The following RRM2 variants were observed in gnomAD, a reference collection of about 807,000 sequenced individuals.
RRM2 encodes ribonucleotide reductase regulatory subunit M2, also known as ribonucleoside-diphosphate reductase subunit M2.
In RRM2, 6 loss-of-function variants were observed where a neutral mutation model predicts 45.9. The observed-to-expected ratio is 0.13, with a 90% CI of 0.07 to 0.26. The LOEUF is 0.26. Among genes scored for constraint, RRM2 ranks in the 10% least tolerant of loss-of-function variants. The probability of loss-of-function intolerance (pLI) is 1.00; values close to 1 mark genes in which losing one functional copy is unlikely to be tolerated. For synonymous variants in RRM2, 177 were observed against 173.0 expected (o/e 1.02, Z -0.18); for missense variants, 343 against 489.5 (o/e 0.70, Z 2.82).
At chr2:10,132,647 G>A (rs1473416716), downstream of RRM2, among the ~76,000 whole-genome samples, 8 of 152,224 alleles carry the variant, frequency 5.3e-5, no homozygotes, top group Non-Finnish European at 8.8e-5. Context: ...GTATTTTGGG[G>A]TGGATGGTAT....
rs1044040102 is a variant in RRM2 at position 10,172,626 on chromosome 2, A to G, written n.482+30251A>G. On this transcript the variant is annotated intron_variant and non_coding_transcript_variant, in intron 3 of 3. Transcript: ENST00000381786. The surrounding 1 kb of genome is among the most constrained non-coding windows in gnomAD (Gnocchi z 4.9). ...AGCCCTCCGCATGGCATTAGAGAAC[A>G]TTCGCCTCCTGCTGGGTCGGCCCCT... 6.6e-6 allele frequency among the ~76,000 whole-genome samples: 1 copy of G among 152,112 alleles called. No individual in the cohort carries two copies. The highest frequency in any genetic ancestry group is 1.5e-5 in the Non-Finnish European group (1 of 68,026).
At chr2:10,177,175 G>C (rs1395652847) in intron 3 of RRM2, among the ~76,000 whole-genome samples, 2 of 152,154 alleles carry the variant, frequency 1.3e-5, no homozygotes, top group African/African-American at 4.8e-5. Flanking sequence ...GAACCCGGGA[G>C]TTGAAGGTTG....
In RRM2 at chr2:10,210,426, AG is replaced by A. The variant is rs747379218; in HGVS notation, n.601del. The A allele has an allele frequency of 1.3e-5, 18 of 1,367,802 alleles. No homozygotes were observed. The African/African-American group carries it at 2.7e-4, about 20-fold the overall frequency. 84.7% of individuals were successfully genotyped at this position (1,367,802 alleles called of 1,614,324 possible). ...AAGACACCCAGAGTCCCTTCCAGAC[AG>A]GGACACCCCTGGAGCGACCCTGTTT... On this transcript the variant is annotated non_coding_transcript_exon_variant, in exon 4 of 4. Transcript: ENST00000381786.
At chr2:10,197,274 C>G (rs930679787) in intron 3 of RRM2, among the ~76,000 whole-genome samples, 6 of 152,236 alleles carry the variant, frequency 3.9e-5, no homozygotes, top group African/African-American at 1.4e-4. Context: ...ACGCGAGCGC[C>G]TAGGCTGGGA....
At chr2:10,190,587 ATGG>A (rs1251873238) in intron 3 of RRM2, among the ~76,000 whole-genome samples, 2 of 148,240 alleles carry the variant, frequency 1.3e-5, no homozygotes, top group African/African-American at 2.5e-5. Context: ...GATCATGGTG[ATGG>A]TGGTGATGTT....
chr2:10,155,969 G>A (rs1299317325), intron 3 of RRM2: 2 of 152,332 alleles, frequency 1.3e-5, no homozygotes, highest in African/African-American at 4.8e-5. Context: ...AGAGCGGGAT[G>A]TCTGACTCCA....
At chr2:10,162,858 T>A (rs970554862) in intron 3 of RRM2, among the ~76,000 whole-genome samples, 1 of 152,244 alleles carries the variant, frequency 6.6e-6, no homozygotes, top group Admixed American at 6.5e-5. Flanking sequence ...ACAGGGGTTC[T>A]TTAGGTAGAG....
intron 3 of RRM2, among the ~76,000 whole-genome samples, chr2:10,200,708 C>CTG (rs1197627659): frequency 2.2e-5 from 3 of 139,186 alleles, no homozygotes; most frequent in Non-Finnish European, 3.3e-5. Context: ...CCCACGGGGA[C>CTG]CGCGCACACA....
At chr2:10,133,899 C>T (rs1211145539), downstream of RRM2, among the ~76,000 whole-genome samples, 2 of 151,936 alleles carry the variant, frequency 1.3e-5, no homozygotes, top group African/African-American at 2.4e-5. Context: ...AATAGGTGGG[C>T]CGGGCATGGT....
At chr2:10,137,621 T>C (rs1467800321), upstream of RRM2, among the ~76,000 whole-genome samples, 2 of 152,210 alleles carry the variant, frequency 1.3e-5, no homozygotes, top group African/African-American at 4.8e-5. Context: ...GGCCACAAAG[T>C]CTAGGGACAG....
At chr2:10,143,679 T>A (rs1398831661) in intron 3 of RRM2, among the ~76,000 whole-genome samples, 2 of 152,158 alleles carry the variant, frequency 1.3e-5, no homozygotes, top group African/African-American at 4.8e-5. Flanking sequence ...GCACAATTTT[T>A]TTTTTTCTTT....
chr2:10,166,085 G>A (rs1663672145), intron 3 of RRM2, among the ~76,000 whole-genome samples: 1 of 152,230 alleles, frequency 6.6e-6, no homozygotes, highest in Admixed American at 6.5e-5. Flanking sequence ...CTTCTGCCCC[G>A]AGGTTTGGCT....
intron 3 of RRM2, among the ~76,000 whole-genome samples, chr2:10,179,793 G>A (rs973232676): frequency 2.6e-5 from 4 of 152,038 alleles, no homozygotes; most frequent in Admixed American, 2.0e-4. Flanking sequence ...CATAAGCCAG[G>A]GATTGTCAGT....
upstream of RRM2, among the ~76,000 whole-genome samples, chr2:10,140,807 T>C (rs1261967233): frequency 1.3e-5 from 2 of 152,154 alleles, no homozygotes; most frequent in African/African-American, 4.8e-5. Flanking sequence ...TTCTTTCTAT[T>C]CTATTTTTCT....
intron 3 of RRM2, among the ~76,000 whole-genome samples, chr2:10,146,446 C>T (rs1270246225): frequency 2.0e-5 from 3 of 152,218 alleles, no homozygotes; most frequent in African/African-American, 4.8e-5. Context: ...CTCTGCTCTG[C>T]GGAATAGGGA....
rs1049101016 is a variant in RRM2 at position 10,171,671 on chromosome 2, AC to A, written n.482+29300del. On this transcript the variant is annotated intron_variant and non_coding_transcript_variant, in intron 3 of 3. Transcript: ENST00000381786. The surrounding 1 kb of genome is among the most constrained non-coding windows in gnomAD (Gnocchi z 4.1). The stretch of plus-strand genomic sequence containing the variant: ...TCTGGGTCAGGACGACACGGATGCC[AC>A]CCCAGGACCCCTGGCATAGGGAGCC... Among the ~76,000 whole-genome samples the A allele has an allele frequency of 1.3e-5, 2 of 152,066 alleles. No homozygotes were observed. The highest frequency in any genetic ancestry group is 2.9e-5 in the Non-Finnish European group (2 of 68,016).
rs1414571848 is a variant in RRM2, at chr2:10,185,757, C to T, written n.483-24554C>T. 6.6e-6 allele frequency among the ~76,000 whole-genome samples: 1 copy of T among 152,138 alleles called. No homozygotes were observed. The highest frequency in any genetic ancestry group is 1.9e-4 in the East Asian group (1 of 5,194). The stretch of plus-strand genomic sequence containing the variant: ...CTCTGTCCCTTTGTCTCCTTTCCCC[C>T]ACCCTTCACCTCCCCTCTCTGTTCT... On this transcript the variant is annotated intron_variant and non_coding_transcript_variant, in intron 3 of 3. Transcript: ENST00000381786. The surrounding 1 kb of genome is among the most constrained non-coding windows in gnomAD (Gnocchi z 4.3).
intron 3 of RRM2, among the ~76,000 whole-genome samples, chr2:10,181,965 T>A (rs1210977944): frequency 1.3e-5 from 2 of 151,880 alleles, no homozygotes; most frequent in East Asian, 1.9e-4. Flanking sequence ...AAAGTCTCAC[T>A]ATGTTGCCCA....
chr2:10,123,255 G>A, intron 2 of RRM2, 132 bp from the exon 3 acceptor site: 1 of 1,315,518 alleles, frequency 7.6e-7, no homozygotes, highest in Non-Finnish European at 1.0e-6. Context: ...GACCCACGGA[G>A]TGCGACGGGA....
Sources: allele counts gnomAD v4.1 joint callset (sites outside exome capture counted in the v4.1 genomes callset), GRCh38; gene constraint gnomAD v4.1.1; non-coding constraint Gnocchi (gnomAD v3.1); transcripts MANE v1.5; gene names NCBI Gene and HGNC (gene_info 2026-07-23, HGNC 2026-07-21).